Variants in INTS7 observed in about 807,000 individuals in gnomAD.
INTS7 encodes integrator complex subunit 7.
A neutral mutation model predicts 109.2 loss-of-function variants in INTS7; 46 were observed. That is an observed-to-expected ratio of 0.42 (90% CI 0.33 to 0.54). INTS7 has a LOEUF of 0.54. Among genes scored for constraint, INTS7 ranks in the 20% least tolerant of loss-of-function variants. The pLI, the probability that INTS7 is intolerant of heterozygous loss-of-function variation, is 0.07. For missense variants in INTS7, 929 were observed against 1,132.4 expected, an observed-to-expected ratio of 0.82 and a Z score of 2.58; for synonymous variants, 412 against 402.9, an observed-to-expected ratio of 1.02 and a Z score of -0.27.
At chr1:212,001,225 G>A (rs1023789054) in intron 7 of INTS7, among the ~76,000 whole-genome samples, 1 of 151,980 alleles carries the variant, frequency 6.6e-6, no homozygotes, top group Non-Finnish European at 1.5e-5. Context: ...GCGCCATCAC[G>A]CCCGGCTAAT....
At chr1:211,974,268 AAAAAAAAAATATATATAT>A (rs1313886805) in intron 13 of INTS7, among the ~76,000 whole-genome samples, 3,553 of 83,764 alleles carry the variant, frequency 0.042, 85 homozygotes, top group African/African-American at 0.081. Flanking sequence ...CTCTTCCCAG[AAAAAAAAAATATATATAT>A]ATATATATAT....
At chr1:211,994,359 T>C (rs1665277035) in intron 7 of INTS7, among the ~76,000 whole-genome samples, 1 of 151,980 alleles carries the variant, frequency 6.6e-6, no homozygotes, top group Non-Finnish European at 1.5e-5. Context: ...AATGATTAAT[T>C]GACAACATCT....
intron 13 of INTS7, among the ~76,000 whole-genome samples, chr1:211,970,148 A>G (rs1210253689): frequency 6.6e-6 from 1 of 152,186 alleles, no homozygotes; most frequent in Non-Finnish European, 1.5e-5. Flanking sequence ...CAGAGAAGAC[A>G]CCAAGGAAGA....
intron 7 of INTS7, among the ~76,000 whole-genome samples, chr1:211,992,654 G>C (rs1477455557): frequency 1.3e-5 from 2 of 152,068 alleles, no homozygotes; most frequent in Non-Finnish European, 2.9e-5. Context: ...CAGCACTCCA[G>C]CTTGGGCAAC....
intron 1 of INTS7, among the ~76,000 whole-genome samples, chr1:212,023,255 T>C (rs1666785614): frequency 6.6e-6 from 1 of 152,190 alleles, no homozygotes; most frequent in Non-Finnish European, 1.5e-5. Context: ...TTATTTTCCT[T>C]TGTGTATATA....
chr1:211,941,590 G>C lies in INTS7; in HGVS notation c.*234C>G, dbSNP rs979223959. 3.7e-6 allele frequency: 2 copies of C among 541,776 alleles called. No individual in the cohort carries two copies. Among genetic ancestry groups the C allele is most frequent in the Non-Finnish European group, 6.5e-6 (2 of 307,946 alleles). The allele number at this position is 541,776 out of a possible 1,614,324, so 33.6% of individuals were successfully genotyped here. A position where few individuals can be genotyped will look rare whatever the true frequency, so the allele number is the denominator to read the frequency against. The stretch of plus-strand genomic sequence containing the variant: ...TAGCCAGGATGGTCTTGATCTCCTC[G>C]TGAGCCGCCCACCTCAGCCTCCCAA... On this transcript the variant is annotated 3_prime_UTR_variant, in exon 20 of 20. Transcript: ENST00000366994.
chr1:211,978,165 G>A (rs960417221), intron 11 of INTS7, 107 bp downstream of exon 11: 6 of 1,299,608 alleles, frequency 4.6e-6, no homozygotes, highest in Non-Finnish European at 6.5e-6. Context: ...TTAACCTATT[G>A]TTTGTTCTGT....
At chr1:211,954,904 T>C (rs1663295150) in intron 16 of INTS7, among the ~76,000 whole-genome samples, 1 of 152,214 alleles carries the variant, frequency 6.6e-6, no homozygotes, top group Non-Finnish European at 1.5e-5. Flanking sequence ...CCATATGAAC[T>C]TTAAAGTAGT....
Position 212,020,250 on chromosome 1 carries a change from T to C in INTS7, c.243A>G (p.Leu81=), listed in dbSNP as rs149088914. 57 of 1,583,176 alleles carry C rather than the reference T, an allele frequency of 3.6e-5. No individual in the cohort carries two copies. Among genetic ancestry groups the C allele is most frequent in the East Asian group, 6.7e-5 (3 of 44,522 alleles). The stretch of plus-strand genomic sequence containing the variant: ...TTTGTTGGGTAACTTTAAGAACACA[T>C]AGCCTCAGGAAATTATTTCTAGAAA... ...VFRVGNNFLR[L]CVLKVTQQSE... is the part of the protein sequence containing the mutation. The change falls in exon 3 of 20, where the codon CTA becomes CTG. Residue 81 remains leucine, a synonymous_variant. Transcript: ENST00000366994.
intron 16 of INTS7, among the ~76,000 whole-genome samples, chr1:211,964,934 A>G (rs1437157227): frequency 2.0e-5 from 3 of 152,242 alleles, no homozygotes; most frequent in African/African-American, 7.2e-5. Context: ...AGCAATTGCA[A>G]CAAAAGCAAA....
chr1:211,953,849 C>T (rs1260268576), intron 16 of INTS7, among the ~76,000 whole-genome samples: 14 of 151,662 alleles, frequency 9.2e-5, no homozygotes, highest in Admixed American at 2.6e-4. Context: ...TGAATAGTGC[C>T]GCAATAAACA....
At chr1:211,965,512 G>A (rs1360887759) in intron 16 of INTS7, among the ~76,000 whole-genome samples, 1 of 152,166 alleles carries the variant, frequency 6.6e-6, no homozygotes, top group Non-Finnish European at 1.5e-5. Context: ...GTTCACTGCA[G>A]CACTACTCAC....
At chr1:211,949,103 C>T (rs1261074069) in intron 17 of INTS7, among the ~76,000 whole-genome samples, 1 of 152,182 alleles carries the variant, frequency 6.6e-6, no homozygotes, top group Non-Finnish European at 1.5e-5. Flanking sequence ...CATGAAATTC[C>T]ACCTAATAGT....
intron 3 of INTS7, among the ~76,000 whole-genome samples, chr1:212,019,365 C>T (rs1428753972): frequency 1.3e-5 from 2 of 151,816 alleles, no homozygotes; most frequent in African/African-American, 4.8e-5. Flanking sequence ...ACTCAAAAGG[C>T]AAAGAAATGA....
chr1:211,941,844 T>C lies in INTS7; in HGVS notation c.2869A>G (p.Asn957Asp), dbSNP rs1662645062. ...QQPLQQQQQR[N>D]AYTRF ...CATGGTTAAAACCGTGTGTAGGCAT[T>C]GCGTTGCTGCTGCTGCTGTAATGGC... The change falls in exon 20 of 20, where the codon AAT becomes GAT. Residue 957 changes from asparagine (N) to aspartate (D), a missense_variant. Asn to Asp is a conservative substitution (Grantham distance 23, BLOSUM62 1). Around this residue, in one of 2 missense-constraint regions of INTS7, gnomAD observed 787 missense variants for 901.1 expected, o/e 0.87. Transcript: ENST00000366994. The C allele has an allele frequency of 6.2e-7, 1 of 1,614,022 alleles. No homozygotes were observed. Among genetic ancestry groups the C allele is most frequent in the Non-Finnish European group, 8.5e-7 (1 of 1,179,986 alleles).
intron 17 of INTS7, among the ~76,000 whole-genome samples, chr1:211,949,495 C>T (rs1662995723): frequency 6.6e-6 from 1 of 152,174 alleles, no homozygotes; most frequent in South Asian, 2.1e-4. Flanking sequence ...AGTTAAAAAA[C>T]TCAGCCTTGA....
chr1:212,032,726 G>A (rs1216237545), intron 1 of INTS7, among the ~76,000 whole-genome samples: 4 of 152,082 alleles, frequency 2.6e-5, no homozygotes, highest in African/African-American at 4.8e-5. Flanking sequence ...TGATCCGCCC[G>A]CCTCAGCTTC....
intron 11 of INTS7, 75 bp from the exon 12 acceptor site, chr1:211,976,794 G>C: frequency 7.1e-7 from 1 of 1,410,396 alleles, no homozygotes; most frequent in Non-Finnish European, 9.9e-7. Flanking sequence ...ACCCCAAAGG[G>C]AGGAAAACTA....
chr1:211,993,807 T>TA (rs1408095715), intron 7 of INTS7, among the ~76,000 whole-genome samples: 2 of 151,560 alleles, frequency 1.3e-5, no homozygotes, highest in Non-Finnish European at 2.9e-5. Flanking sequence ...ATAAACACAC[T>TA]AAAAAATGTT....
Sources: allele counts gnomAD v4.1 joint callset (sites outside exome capture counted in the v4.1 genomes callset), GRCh38; gene constraint gnomAD v4.1.1; regional missense constraint gnomAD v4.1.1; transcripts MANE v1.5; gene names NCBI Gene and HGNC (gene_info 2026-07-23, HGNC 2026-07-21).